The following LDLRAD3 variants were observed in gnomAD, a reference collection of about 807,000 sequenced individuals.
The protein encoded by LDLRAD3 is low density lipoprotein receptor class A domain containing 3.
A neutral mutation model predicts 29.4 loss-of-function variants in LDLRAD3; 20 were observed. The observed-to-expected ratio is 0.68, with a 90% CI of 0.48 to 0.99. The LOEUF is 0.99. Among genes scored for constraint, LDLRAD3 ranks in the 50% least tolerant of loss-of-function variants. The probability of loss-of-function intolerance (pLI) is 0.00; values close to 1 mark genes in which losing one functional copy is unlikely to be tolerated. For synonymous variants in LDLRAD3, 157 were observed against 192.7 expected (o/e 0.81, Z 1.53); for missense variants, 420 against 454.3 (o/e 0.92, Z 0.69).
chr11:36,020,522 C>T (rs1217462243), intron 1 of LDLRAD3, among the ~76,000 whole-genome samples: 5 of 151,680 alleles, frequency 3.3e-5, no homozygotes, highest in African/African-American at 1.2e-4. Flanking sequence ...CTCTCCATTT[C>T]GATAGACACT....
chr11:36,123,306 A>T (rs934685537), intron 4 of LDLRAD3, among the ~76,000 whole-genome samples: 1 of 152,270 alleles, frequency 6.6e-6, no homozygotes, highest in Non-Finnish European at 1.5e-5. Context: ...GTGCAACACA[A>T]GAGTTGAACC....
In LDLRAD3 at chr11:35,951,384, A is replaced by G. The variant is rs559758632; in HGVS notation, c.46+7240A>G. On this transcript the variant is annotated intron_variant, in intron 1 of 5. Coordinates refer to ENST00000315571, the MANE Select transcript of LDLRAD3 (RefSeq NM_174902.4). ...TTAACTCAAGTACTATATTTCATCA[A>G]TTTTATTTTGAGCCATGTGAATGCG... Among the ~76,000 whole-genome samples, 11 of 152,138 alleles carry G rather than the reference A, an allele frequency of 7.2e-5. No individual in the cohort carries two copies. In the East Asian group the frequency reaches 1.7e-3, roughly 24 times the overall value.
chr11:36,173,294 G>C (rs994754882), intron 4 of LDLRAD3, among the ~76,000 whole-genome samples: 1 of 150,706 alleles, frequency 6.6e-6, no homozygotes, highest in Non-Finnish European at 1.5e-5. Flanking sequence ...CCATTAACTC[G>C]TCATTTACAT....
intron 1 of LDLRAD3, among the ~76,000 whole-genome samples, chr11:35,950,799 G>A (rs558041172): frequency 1.3e-5 from 2 of 152,166 alleles, no homozygotes; most frequent in South Asian, 4.2e-4. Flanking sequence ...AATAATACAC[G>A]GGGGCCAGGA....
At chr11:36,208,629 G>A (rs1435574777) in intron 4 of LDLRAD3, among the ~76,000 whole-genome samples, 2 of 152,104 alleles carry the variant, frequency 1.3e-5, no homozygotes, top group African/African-American at 4.8e-5. Context: ...AAATAATATT[G>A]GGTTTTATAA....
At chr11:36,123,901 T>C (rs1438198942) in intron 4 of LDLRAD3, among the ~76,000 whole-genome samples, 2 of 152,200 alleles carry the variant, frequency 1.3e-5, no homozygotes, top group African/African-American at 2.4e-5. Context: ...ATTATTTACA[T>C]AGACTGTAAA....
intron 1 of LDLRAD3, among the ~76,000 whole-genome samples, chr11:35,992,978 C>T (rs1487338442): frequency 6.6e-6 from 1 of 152,090 alleles, no homozygotes; most frequent in Admixed American, 6.6e-5. Context: ...CAGTCTTTTC[C>T]ATTTTTTTCT....
chr11:36,200,921 G>A (rs966712396), intron 4 of LDLRAD3, among the ~76,000 whole-genome samples: 1 of 152,148 alleles, frequency 6.6e-6, no homozygotes, highest in Non-Finnish European at 1.5e-5. Context: ...TCTCCTTCCT[G>A]GTCCCACGCA....
intron 4 of LDLRAD3, among the ~76,000 whole-genome samples, chr11:36,123,556 T>A (rs560861055): frequency 1.1e-4 from 16 of 152,234 alleles, no homozygotes; most frequent in Non-Finnish European, 2.4e-4. Flanking sequence ...CCAAGATCAG[T>A]GGGGCAGATA....
At chr11:36,118,524 A>AGG (rs948314166) in intron 4 of LDLRAD3, among the ~76,000 whole-genome samples, 1 of 151,066 alleles carries the variant, frequency 6.6e-6, no homozygotes, top group Admixed American at 6.6e-5. Context: ...AGAGAGAGAG[A>AGG]GAGAAGGAGG....
At chr11:35,947,004 T>G (rs1480260728) in intron 1 of LDLRAD3, among the ~76,000 whole-genome samples, 1 of 152,142 alleles carries the variant, frequency 6.6e-6, no homozygotes, top group Non-Finnish European at 1.5e-5. Flanking sequence ...GACAGCCGAC[T>G]TAGGCCATTT....
chr11:36,101,805 T>G, intron 4 of LDLRAD3: 1 of 264,638 alleles, frequency 3.8e-6, no homozygotes, highest in South Asian at 3.1e-5. Flanking sequence ...CTCTATGCAG[T>G]ATTTTCCTGA....
At chr11:35,983,058 T>C (rs1433499721) in intron 1 of LDLRAD3, among the ~76,000 whole-genome samples, 3 of 152,130 alleles carry the variant, frequency 2.0e-5, no homozygotes, top group African/African-American at 7.2e-5. Flanking sequence ...TTTACCATGT[T>C]GGCCAGGCTG....
At chr11:36,136,232 C>G (rs1854002109) in intron 4 of LDLRAD3, among the ~76,000 whole-genome samples, 1 of 152,192 alleles carries the variant, frequency 6.6e-6, no homozygotes, top group Non-Finnish European at 1.5e-5. Flanking sequence ...TGAGTGCCCA[C>G]TGTGCACCAG....
intron 4 of LDLRAD3, among the ~76,000 whole-genome samples, chr11:36,202,310 T>A (rs1473150258): frequency 6.6e-6 from 1 of 152,212 alleles, no homozygotes; most frequent in Non-Finnish European, 1.5e-5. Context: ...AGTGCTGGTA[T>A]TACAGGTGTG....
chr11:36,130,127 GAGAC>G (rs1853903723), intron 4 of LDLRAD3, among the ~76,000 whole-genome samples: 1 of 152,216 alleles, frequency 6.6e-6, no homozygotes. Context: ...GAAGAGTTGA[GAGAC>G]AGGCATTGAA....
At chr11:36,086,359 T>C (rs1027952150) in intron 3 of LDLRAD3, among the ~76,000 whole-genome samples, 1 of 152,202 alleles carries the variant, frequency 6.6e-6, no homozygotes, top group Non-Finnish European at 1.5e-5. Context: ...TGTGTGACAC[T>C]CTGGGTCTTA....
At position 36,136,286 on chromosome 11, in the gene LDLRAD3, A is replaced by G. The variant is rs143417137; in HGVS notation, c.454+37825A>G. ...CTTAGGTAGACTTCACAACAACCCC[A>G]CAAGGTAGATCCTGTTTTTCCTATT... On this transcript the variant is annotated intron_variant, in intron 4 of 5. Transcript: ENST00000315571. Among the ~76,000 whole-genome samples the G allele has an allele frequency of 5.1e-3, 781 of 152,306 alleles. 10 individuals are homozygous for G. The highest frequency in any genetic ancestry group is 0.018 in the African/African-American group (740 of 41,558).
At chr11:36,207,932 G>C (rs775111963) in intron 4 of LDLRAD3, among the ~76,000 whole-genome samples, 1 of 152,102 alleles carries the variant, frequency 6.6e-6, no homozygotes, top group Non-Finnish European at 1.5e-5. Flanking sequence ...GCCCACCTAC[G>C]AGGATTTTTA....
Sources: allele counts gnomAD v4.1 joint callset (sites outside exome capture counted in the v4.1 genomes callset), GRCh38; gene constraint gnomAD v4.1.1; transcripts MANE v1.5; gene names NCBI Gene and HGNC (gene_info 2026-07-23, HGNC 2026-07-21).